The following NHSL2 variants were observed in gnomAD, a reference collection of about 807,000 sequenced individuals.
The protein encoded by NHSL2 is NHS-like protein 2.
In NHSL2, 27 loss-of-function variants were observed where a neutral mutation model predicts 53.4. That is an observed-to-expected ratio of 0.51 (90% CI 0.37 to 0.70). The LOEUF (loss-of-function observed/expected upper bound fraction) is 0.70, where lower values mean the gene tolerates loss of function less well. NHSL2 is among the 30% of genes least tolerant of loss of function. NHSL2 has a pLI of 0.00. For missense variants in NHSL2, 892 were observed against 980.1 expected (o/e 0.91, Z 1.20); for synonymous variants, 408 against 404.1 (o/e 1.01, Z -0.12).
chrX:71,911,440 G>A, intron 1 of NHSL2, 73 bp downstream of exon 1: 1 of 906,271 alleles, frequency 1.1e-6, no homozygotes, highest in Non-Finnish European at 1.4e-6. Context: ...GGCGCTTAGC[G>A]CTGTGCCCAC....
chrX:71,970,925 G>A (rs1436444152), intron 1 of NHSL2, among the ~76,000 whole-genome samples: 1 of 111,284 alleles, frequency 9.0e-6, no homozygotes, highest in African/African-American at 3.3e-5. Context: ...TAGGACTACA[G>A]GTGTGCGCCA....
At chrX:71,994,138 T>C (rs762194440) in intron 1 of NHSL2, among the ~76,000 whole-genome samples, 20 of 111,595 alleles carry the variant, frequency 1.8e-4, no homozygotes, top group Admixed American at 1.7e-3. Flanking sequence ...TATTCATTCA[T>C]TCATTCAATA....
At chrX:71,939,113 TC>T (rs777452068) in intron 1 of NHSL2, among the ~76,000 whole-genome samples, 3 of 111,902 alleles carry the variant, frequency 2.7e-5, no homozygotes, top group African/African-American at 9.7e-5. Context: ...GAATAGTCCT[TC>T]ATCTAAACAG....
intron 1 of NHSL2, among the ~76,000 whole-genome samples, chrX:72,036,351 CT>C (rs1909466424): frequency 8.9e-6 from 1 of 112,472 alleles, no homozygotes; most frequent in African/African-American, 3.2e-5. Context: ...GAGAAATCCA[CT>C]GTCAGTTGAC....
chrX:71,956,930 C>T (rs777866689), intron 1 of NHSL2, among the ~76,000 whole-genome samples: 1 of 111,565 alleles, frequency 9.0e-6, no homozygotes, highest in Admixed American at 9.5e-5. Flanking sequence ...TAGTTCACCT[C>T]CTCAGATCTC....
At chrX:72,008,888 G>A (rs1295483796) in intron 1 of NHSL2, among the ~76,000 whole-genome samples, 1 of 111,833 alleles carries the variant, frequency 8.9e-6, no homozygotes, top group East Asian at 2.8e-4. Context: ...CTCCCAAAGT[G>A]ATGCTGTGAA....
chrX:72,056,546 G>A (rs1032111788), intron 1 of NHSL2, among the ~76,000 whole-genome samples: 3 of 107,531 alleles, frequency 2.8e-5, no homozygotes, highest in African/African-American at 7.3e-5. Flanking sequence ...CTTATTTAAC[G>A]TCTGCGCACA....
intron 1 of NHSL2, among the ~76,000 whole-genome samples, chrX:72,021,856 G>GC (rs2042162012): frequency 9.0e-6 from 1 of 111,603 alleles, no homozygotes; most frequent in Non-Finnish European, 1.9e-5. Flanking sequence ...CTGTCATGGT[G>GC]CCCCTGCCTC....
At chrX:72,078,014 T>C (rs1440999297) in intron 1 of NHSL2, among the ~76,000 whole-genome samples, 1 of 112,781 alleles carries the variant, frequency 8.9e-6, no homozygotes, top group Admixed American at 9.3e-5. Context: ...ATAGCAACTT[T>C]ATGGCACAGG....
intron 1 of NHSL2, among the ~76,000 whole-genome samples, chrX:71,944,862 T>TA (rs1318368273): frequency 8.9e-6 from 1 of 112,342 alleles, no homozygotes; most frequent in Non-Finnish European, 1.9e-5. Flanking sequence ...GGGATTTGGC[T>TA]AAGCAGACTG....
intron 1 of NHSL2, among the ~76,000 whole-genome samples, chrX:72,085,715 GTTT>G (rs367789526): frequency 9.7e-5 from 9 of 92,578 alleles, no homozygotes; most frequent in Admixed American, 4.8e-4. Context: ...TTTTTTTTTT[GTTT>G]TTTTTTTTTG....
chrX:72,022,196 G>A (rs902919850), intron 1 of NHSL2, among the ~76,000 whole-genome samples: 2 of 111,982 alleles, frequency 1.8e-5, no homozygotes, highest in Admixed American at 9.4e-5. Flanking sequence ...CAGTGCTGCC[G>A]CCTGTTGGTG....
intron 1 of NHSL2, among the ~76,000 whole-genome samples, chrX:71,989,373 G>A (rs1304769474): frequency 9.7e-6 from 1 of 103,549 alleles, no homozygotes; most frequent in East Asian, 3.0e-4. Context: ...AAAAAAGGTG[G>A]AAGATGTGAA....
rs1293328563 is a variant in NHSL2, at chrX:72,137,151, C to T, written c.818C>T (p.Ala273Val). The T allele has an allele frequency of 8.6e-7, 1 of 1,163,901 alleles. No homozygotes were observed. The highest frequency in any genetic ancestry group is 1.2e-6 in the Non-Finnish European group (1 of 869,314). ...CACTCGTTGTTTAACACAGAGACAG[C>T]CGTGAACCCCAAGTCCACCCTGAGG... ...LRHSLFNTETAVNPKSTLRRR... is the reference protein window; with the variant it reads ...LRHSLFNTETVVNPKSTLRRR... Residue 273 changes from alanine to valine, a missense_variant, in exon 5 of 8, where the codon GCC becomes GTC. Coordinates refer to ENST00000633930, the MANE Select transcript of NHSL2 (RefSeq NM_001013627.3).
At chrX:71,938,338 C>T (rs1211431530) in intron 1 of NHSL2, among the ~76,000 whole-genome samples, 1 of 112,140 alleles carries the variant, frequency 8.9e-6, no homozygotes, top group Non-Finnish European at 1.9e-5. Context: ...CTTGGAAGTT[C>T]GCCATTCTGC....
chrX:71,940,730 G>A (rs1013606250), intron 1 of NHSL2, among the ~76,000 whole-genome samples: 12 of 109,689 alleles, frequency 1.1e-4, no homozygotes, highest in Non-Finnish European at 2.3e-4. Flanking sequence ...TTGGGTGAGG[G>A]GGATGTGGCA....
chrX:71,919,570 C>T (rs188451392), intron 1 of NHSL2, among the ~76,000 whole-genome samples: 1 of 111,759 alleles, frequency 8.9e-6, no homozygotes, highest in Admixed American at 9.4e-5. Flanking sequence ...TGTGTGCCCA[C>T]GGAGGAGCCG....
At position 71,911,303 on chromosome X, in the gene NHSL2, C is replaced by T; in HGVS notation, c.216C>T (p.Thr72=). Residue 72 remains threonine, a synonymous_variant, in exon 1 of 8, where the codon ACC becomes ACT. Coordinates refer to ENST00000633930, the MANE Select transcript of NHSL2 (RefSeq NM_001013627.3). ...GCACAGACAGCCTGTACCGGCGCACCGTGCGCCTCCGCCGCCGCCTTCCCT... is the reference window on the plus strand; with the variant it reads ...GCACAGACAGCCTGTACCGGCGCACTGTGCGCCTCCGCCGCCGCCTTCCCT... ...GRRTDSLYRR[T]VRLRRRLPCR... 3 of 1,130,029 alleles carry T rather than the reference C, an allele frequency of 2.7e-6. No homozygotes were observed. The highest frequency in any genetic ancestry group is 3.5e-6 in the Non-Finnish European group (3 of 857,945). 93.1% of individuals were successfully genotyped at this position (1,130,029 alleles called of 1,213,427 possible). A position where few individuals can be genotyped will look rare whatever the true frequency, so the allele number is the denominator to read the frequency against.
intron 1 of NHSL2, among the ~76,000 whole-genome samples, chrX:72,039,242 C>G (rs770339609): frequency 5.5e-5 from 6 of 109,962 alleles, no homozygotes; most frequent in Non-Finnish European, 1.1e-4. Context: ...TAGTCTCAAC[C>G]TGAATTTGCG....
Sources: gnomAD v4.1 joint callset for allele counts (sites outside exome capture counted in the v4.1 genomes callset) on GRCh38, gnomAD v4.1.1 for gene constraint, MANE v1.5 for transcripts, NCBI Gene and HGNC (gene_info 2026-07-23, HGNC 2026-07-21) for gene names.